UBE2D2: variants seen among roughly 807,000 people sequenced by gnomAD.
UBE2D2 encodes ubiquitin conjugating enzyme E2 D2.
In UBE2D2, 2 loss-of-function variants were observed where a neutral mutation model predicts 24.2. The observed-to-expected ratio is 0.08, with a 90% CI of 0.03 to 0.26. UBE2D2 has a LOEUF of 0.26. UBE2D2 is among the 10% of genes least tolerant of loss of function. The probability of loss-of-function intolerance (pLI) is 1.00; values close to 1 mark genes in which losing one functional copy is unlikely to be tolerated. For synonymous variants in UBE2D2, 58 were observed against 56.5 expected (o/e 1.03, Z -0.12); for missense variants, 44 against 177.6 (o/e 0.25, Z 4.28).
chr5:139,564,998 C>G (rs1489657272), intron 1 of UBE2D2, among the ~76,000 whole-genome samples: 2 of 152,078 alleles, frequency 1.3e-5, no homozygotes, highest in Non-Finnish European at 2.9e-5. Flanking sequence ...TCAGTTCTAT[C>G]TTATCTTCTG....
At chr5:139,535,366 G>T (rs1354298206) in intron 1 of UBE2D2, among the ~76,000 whole-genome samples, 1 of 151,832 alleles carries the variant, frequency 6.6e-6, no homozygotes, top group Non-Finnish European at 1.5e-5. Context: ...TGAGGCAGGA[G>T]AATTGCTTGA....
At chr5:139,580,272 C>T (rs539529418) in intron 1 of UBE2D2, among the ~76,000 whole-genome samples, 15 of 151,964 alleles carry the variant, frequency 9.9e-5, no homozygotes, top group African/African-American at 2.7e-4. Flanking sequence ...ATCATGTTGC[C>T]CAGGCTGGTC....
At chr5:139,541,510 G>T (rs753210051) in intron 1 of UBE2D2, among the ~76,000 whole-genome samples, 1 of 143,058 alleles carries the variant, frequency 7.0e-6, no homozygotes, top group African/African-American at 2.6e-5. Flanking sequence ...TGAGGCAGGA[G>T]AATTGCTTGA....
chr5:139,624,617 C>G (rs972583650), intron 6 of UBE2D2, among the ~76,000 whole-genome samples: 3 of 152,246 alleles, frequency 2.0e-5, no homozygotes, highest in African/African-American at 4.8e-5. Flanking sequence ...GAAACCCCGT[C>G]TCTACTAAAA....
intron 5 of UBE2D2, among the ~76,000 whole-genome samples, chr5:139,622,626 A>G (rs911853711): frequency 2.0e-5 from 3 of 149,808 alleles, no homozygotes; most frequent in Non-Finnish European, 4.4e-5. Context: ...GCAGTGGCTC[A>G]CGCCTGTAAT....
rs187087027 is a variant in UBE2D2 at position 139,603,060 on chromosome 5, A to G, written c.88+2625A>G. ...GAATCTCATGGAGATTCTCCATGTG[A>G]ACTCACTCTCAGGTTTTCTGATTCT... On this transcript the variant is annotated intron_variant, in intron 2 of 6. Coordinates refer to ENST00000398733, the MANE Select transcript of UBE2D2 (RefSeq NM_003339.3). 3.0e-3 allele frequency among the ~76,000 whole-genome samples: 455 copies of G among 152,238 alleles called. 1 individual carries two copies. The highest frequency in any genetic ancestry group is 4.8e-3 in the Non-Finnish European group (327 of 68,006).
intron 2 of UBE2D2, among the ~76,000 whole-genome samples, chr5:139,606,919 C>T (rs575071608): frequency 1.3e-5 from 2 of 152,272 alleles, no homozygotes; most frequent in African/African-American, 2.4e-5. Flanking sequence ...GTTCTCCTGC[C>T]TCAGCCTCCC....
At chr5:139,600,661 C>G (rs1460790799) in intron 2 of UBE2D2, among the ~76,000 whole-genome samples, 1 of 152,168 alleles carries the variant, frequency 6.6e-6, no homozygotes, top group East Asian at 1.9e-4. Context: ...ACCTTCATCC[C>G]TTCTGGGTAT....
intron 1 of UBE2D2, among the ~76,000 whole-genome samples, chr5:139,572,805 C>T (rs1320785383): frequency 1.3e-5 from 2 of 151,726 alleles, no homozygotes; most frequent in African/African-American, 2.4e-5. Flanking sequence ...CATGCACCAC[C>T]GTGCCTGGCT....
chr5:139,612,722 G>A (rs2126699877), intron 2 of UBE2D2, among the ~76,000 whole-genome samples: 1 of 152,312 alleles, frequency 6.6e-6, no homozygotes, highest in East Asian at 1.9e-4. Context: ...CAAATTGTAA[G>A]TATATTTGTG....
chr5:139,600,090 G>T (rs1006674330), intron 1 of UBE2D2, among the ~76,000 whole-genome samples: 2 of 152,046 alleles, frequency 1.3e-5, no homozygotes, highest in African/African-American at 4.8e-5. Flanking sequence ...GAGCCATCAC[G>T]CCCGGCCCAT....
intron 1 of UBE2D2, among the ~76,000 whole-genome samples, chr5:139,541,588 A>G (rs1322577315): frequency 3.6e-5 from 5 of 140,344 alleles, no homozygotes; most frequent in Non-Finnish European, 6.2e-5. Context: ...CCACAGAGCT[A>G]GACTCCATTT....
chr5:139,603,909 A>C (rs995763417), intron 2 of UBE2D2, among the ~76,000 whole-genome samples: 1 of 152,076 alleles, frequency 6.6e-6, no homozygotes, highest in Admixed American at 6.6e-5. Context: ...AGATCACGCC[A>C]TTGCACTCCA....
At chr5:139,557,001 AT>A (rs1373558093), upstream of UBE2D2, among the ~76,000 whole-genome samples, 1 of 146,318 alleles carries the variant, frequency 6.8e-6, no homozygotes, top group South Asian at 2.2e-4. Context: ...TGCCCAGCTA[AT>A]TTTTGTATTT....
In UBE2D2 at chr5:139,614,762, C is replaced by T. The variant is rs1754388428; in HGVS notation, c.186C>T (p.Phe62=). The change falls in exon 4 of 7, where the codon TTC becomes TTT. Residue 62 remains phenylalanine, a synonymous_variant. Coordinates refer to ENST00000398733, the MANE Select transcript of UBE2D2 (RefSeq NM_003339.3). ...TTCATTTCCCAACAGATTACCCCTT[C>T]AAACCACCTAAGGTAATTAATTGGA... ...LTIHFPTDYP[F]KPPKVAFTTR... 6.2e-7 allele frequency: 1 copy of T among 1,613,752 alleles called. No homozygotes were observed. Among genetic ancestry groups the T allele is most frequent in the African/African-American group, 1.3e-5 (1 of 74,920 alleles).
rs1238211413 is a variant in UBE2D2, at chr5:139,561,770, C to A, written c.-22C>A. The A allele has an allele frequency of 2.7e-6, 4 of 1,477,836 alleles. No individual in the cohort carries two copies. The highest frequency in any genetic ancestry group is 3.6e-6 in the Non-Finnish European group (4 of 1,119,006). 91.5% of individuals were successfully genotyped at this position (1,477,836 alleles called of 1,614,324 possible). ...CCCGCCCCCGTCCCCGCCCCGGGGG[C>A]CGCCGCCACCCGCCTCCCACCATGG... On this transcript the variant is annotated 5_prime_UTR_variant, in exon 1 of 7. Coordinates refer to ENST00000398733, the MANE Select transcript of UBE2D2 (RefSeq NM_003339.3).
chr5:139,563,963 C>T (rs905045606), intron 1 of UBE2D2, among the ~76,000 whole-genome samples: 2 of 151,966 alleles, frequency 1.3e-5, no homozygotes, highest in Admixed American at 1.3e-4. Context: ...ACTTTAATCT[C>T]TACATTGAAT....
chr5:139,611,175 C>CTTTTTT (rs60626896), intron 2 of UBE2D2, among the ~76,000 whole-genome samples: 26 of 58,788 alleles, frequency 4.4e-4, no homozygotes, highest in African/African-American at 1.3e-3. Flanking sequence ...AGTTTTCCTT[C>CTTTTTT]TTTTTTTTTT....
intron 1 of UBE2D2, among the ~76,000 whole-genome samples, chr5:139,554,655 G>T (rs1324875585): frequency 6.6e-6 from 1 of 152,136 alleles, no homozygotes; most frequent in Non-Finnish European, 1.5e-5. Flanking sequence ...AACTCTTTTT[G>T]GGGACATATA....
Sources: gnomAD v4.1 joint callset for allele counts (sites outside exome capture counted in the v4.1 genomes callset) on GRCh38, gnomAD v4.1.1 for gene constraint, MANE v1.5 for transcripts, NCBI Gene and HGNC (gene_info 2026-07-23, HGNC 2026-07-21) for gene names.